FAM163A: variants seen among roughly 807,000 people sequenced by gnomAD.
The protein encoded by FAM163A is family with sequence similarity 163 member A.
FAM163A carries 7 observed loss-of-function variants against 12.0 expected under a neutral mutation model. The observed-to-expected ratio is 0.58, with a 90% CI of 0.33 to 1.10. FAM163A has a LOEUF of 1.10. FAM163A is among the 50% of genes least tolerant of loss of function. FAM163A has a pLI of 0.03. For missense variants in FAM163A, 202 were observed against 218.6 expected, an observed-to-expected ratio of 0.92 and a Z score of 0.48; for synonymous variants, 101 against 91.0, an observed-to-expected ratio of 1.11 and a Z score of -0.62.
chr1:179,791,042 A>G (rs1326342062), intron 1 of FAM163A, among the ~76,000 whole-genome samples: 2 of 152,128 alleles, frequency 1.3e-5, no homozygotes, highest in Non-Finnish European at 2.9e-5. Flanking sequence ...CCAAAGTCTA[A>G]CAGTCCAGCA....
chr1:179,777,350 G>T (rs1689120502), intron 1 of FAM163A, among the ~76,000 whole-genome samples: 1 of 152,150 alleles, frequency 6.6e-6, no homozygotes, highest in Non-Finnish European at 1.5e-5. Context: ...AGTTTTTGAT[G>T]CAAAACTCTT....
At chr1:179,770,313 G>T (rs557413699) in intron 1 of FAM163A, among the ~76,000 whole-genome samples, 1 of 152,154 alleles carries the variant, frequency 6.6e-6, no homozygotes, top group East Asian at 1.9e-4. Context: ...CACTACCCTA[G>T]TTCAAGCTGC....
intron 1 of FAM163A, among the ~76,000 whole-genome samples, chr1:179,761,826 C>CTT (rs112730979): frequency 3.4e-5 from 5 of 147,938 alleles, no homozygotes; most frequent in African/African-American, 1.2e-4. Context: ...GATTGAATGC[C>CTT]TTTTTTTTTT....
At chr1:179,796,616 C>T (rs1692356108) in intron 1 of FAM163A, among the ~76,000 whole-genome samples, 1 of 152,142 alleles carries the variant, frequency 6.6e-6, no homozygotes, top group Non-Finnish European at 1.5e-5. Flanking sequence ...TTTGATATCT[C>T]CCCCTCTTCT....
rs188483916 is a variant in FAM163A, at chr1:179,768,372, A to C, written c.-136+24949A>C. On this transcript the variant is annotated intron_variant, in intron 1 of 4. Transcript: ENST00000341785. ...ATAAGTGTGGCAATAATTGCTCAAG[A>C]CCACACAGCCAATAAGATGTCTGTT... is the stretch of plus-strand genomic sequence containing the variant. 1.3e-3 allele frequency among the ~76,000 whole-genome samples: 198 copies of C among 152,318 alleles called. 1 individual carries two copies. Among genetic ancestry groups the C allele is most frequent in the Non-Finnish European group, 2.1e-3 (145 of 68,034 alleles).
At position 179,803,769 on chromosome 1, in the gene FAM163A, A is replaced by G. The variant is rs183536690; in HGVS notation, c.-135-4029A>G. On this transcript the variant is annotated intron_variant, in intron 1 of 4. Coordinates refer to ENST00000341785, the MANE Select transcript of FAM163A (RefSeq NM_173509.3). Reference sequence around the variant, plus strand: ...TTTTTAATAGAGACAGGATTTCACCATCTTGACCAGGCTGGTCTCAAACTC... The same window carrying G: ...TTTTTAATAGAGACAGGATTTCACCGTCTTGACCAGGCTGGTCTCAAACTC... Among the ~76,000 whole-genome samples, 868 of 151,246 alleles carry G rather than the reference A, an allele frequency of 5.7e-3. 7 individuals are homozygous for G. Among genetic ancestry groups the G allele is most frequent in the African/African-American group, 0.019 (771 of 41,292 alleles).
chr1:179,813,995 C>A lies in FAM163A; in HGVS notation c.310C>A (p.Pro104Thr), dbSNP rs1162923795. ...CACTACCTGCTCCCCATACAGCTCC[C>A]CCTTTTACATACGGACGGCTGACAT... ...HCTTCSPYSS[P>T]FYIRTADMVP... The change falls in exon 5 of 5, where the codon CCC becomes ACC. Residue 104 changes from proline to threonine, a missense_variant. Coordinates refer to ENST00000341785, the MANE Select transcript of FAM163A (RefSeq NM_173509.3). The A allele has an allele frequency of 6.2e-7, 1 of 1,613,252 alleles. No homozygotes were observed. The highest frequency in any genetic ancestry group is 8.5e-7 in the Non-Finnish European group (1 of 1,179,462).
intron 1 of FAM163A, among the ~76,000 whole-genome samples, chr1:179,804,845 C>T (rs1693697682): frequency 1.3e-5 from 2 of 152,130 alleles, no homozygotes; most frequent in African/African-American, 4.8e-5. Flanking sequence ...AAAAAAATAA[C>T]TATTGGGCAC....
At chr1:179,759,182 G>A (rs1271971609) in intron 1 of FAM163A, among the ~76,000 whole-genome samples, 1 of 152,144 alleles carries the variant, frequency 6.6e-6, no homozygotes, top group Non-Finnish European at 1.5e-5. Flanking sequence ...ATGTTCAGGA[G>A]CATCCCTGGC....
chr1:179,764,021 G>A (rs1687155384), intron 1 of FAM163A, among the ~76,000 whole-genome samples: 1 of 152,210 alleles, frequency 6.6e-6, no homozygotes, highest in African/African-American at 2.4e-5. Context: ...GAGAGAGAGA[G>A]TGCATGCTCT....
chr1:179,745,577 G>A (rs1457877623), intron 1 of FAM163A, among the ~76,000 whole-genome samples: 1 of 152,234 alleles, frequency 6.6e-6, no homozygotes, highest in African/African-American at 2.4e-5. Context: ...ATTTGACTCT[G>A]GTAGGGCCAT....
At chr1:179,753,612 G>A (rs568693545) in intron 1 of FAM163A, among the ~76,000 whole-genome samples, 7 of 152,150 alleles carry the variant, frequency 4.6e-5, no homozygotes, top group Admixed American at 2.0e-4. Context: ...CACTCTCCTG[G>A]GGTAACTGGA....
chr1:179,781,805 G>A (rs973277126), intron 1 of FAM163A, among the ~76,000 whole-genome samples: 1 of 151,962 alleles, frequency 6.6e-6, no homozygotes, highest in African/African-American at 2.4e-5. Flanking sequence ...ATGGTGGCGG[G>A]TGACTGTAAT....
chr1:179,755,208 G>C (rs1010313655), intron 1 of FAM163A, among the ~76,000 whole-genome samples: 3 of 151,274 alleles, frequency 2.0e-5, no homozygotes, highest in Admixed American at 2.0e-4. Context: ...AATAGTTTGA[G>C]TGTAGAAGTG....
chr1:179,767,157 C>A (rs1360772144), intron 1 of FAM163A, among the ~76,000 whole-genome samples: 1 of 152,156 alleles, frequency 6.6e-6, no homozygotes, highest in Admixed American at 6.5e-5. Flanking sequence ...ATATGACCGT[C>A]TAGTACAGTG....
chr1:179,765,445 G>A lies in FAM163A; in HGVS notation c.-136+22022G>A, dbSNP rs1392661944. On this transcript the variant is annotated intron_variant, in intron 1 of 4. Coordinates refer to ENST00000341785, the MANE Select transcript of FAM163A (RefSeq NM_173509.3). ...GGCCACATCATGTGTCAGCCTGTGG[G>A]AGTCTAAGTAAAAGACGGTAATATT... 2.6e-5 allele frequency among the ~76,000 whole-genome samples: 4 copies of A among 152,212 alleles called. No homozygotes were observed. The East Asian group carries it at 7.7e-4, about 29-fold the overall frequency.
At chr1:179,806,182 C>T (rs1693910579) in intron 1 of FAM163A, among the ~76,000 whole-genome samples, 1 of 152,208 alleles carries the variant, frequency 6.6e-6, no homozygotes, top group South Asian at 2.1e-4. Flanking sequence ...TTTACATTCC[C>T]ATTGTACAGT....
upstream of FAM163A, chr1:179,743,071 T>C (rs1683856889): frequency 6.6e-6 from 1 of 152,278 alleles, no homozygotes; most frequent in Non-Finnish European, 1.5e-5. Context: ...GCCTCCCGCG[T>C]TTACATTTCT....
At chr1:179,789,871 T>C (rs1691195408) in intron 1 of FAM163A, among the ~76,000 whole-genome samples, 1 of 152,200 alleles carries the variant, frequency 6.6e-6, no homozygotes, top group South Asian at 2.1e-4. Flanking sequence ...AACCATATTT[T>C]GGGTTGTGGG....
Sources: gnomAD v4.1 joint callset for allele counts (sites outside exome capture counted in the v4.1 genomes callset) on GRCh38, gnomAD v4.1.1 for gene constraint, MANE v1.5 for transcripts, NCBI Gene and HGNC (gene_info 2026-07-23, HGNC 2026-07-21) for gene names.